Variants in PCDH15 observed in about 807,000 individuals in gnomAD.
PCDH15 encodes the protein protocadherin related 15.
A neutral mutation model predicts 178.5 loss-of-function variants in PCDH15; 129 were observed. The observed-to-expected ratio is 0.72, with a 90% CI of 0.63 to 0.84. PCDH15 has a LOEUF of 0.84. PCDH15 is among the 40% of genes least tolerant of loss of function. The pLI is 0.00. For synonymous variants in PCDH15, 800 were observed against 732.0 expected (o/e 1.09, Z -1.50); for missense variants, 2,230 against 2,099.9 (o/e 1.06, Z -1.21).
At chr10:55,224,573 G>A (rs1311224132) in intron 1 of PCDH15, among the ~76,000 whole-genome samples, 1 of 152,142 alleles carries the variant, frequency 6.6e-6, no homozygotes, top group East Asian at 1.9e-4. Context: ...TCCAACAGCA[G>A]ATAGATGGTA....
chr10:55,101,393 T>TA (rs58895122), intron 2 of PCDH15, among the ~76,000 whole-genome samples: 250 of 129,394 alleles, frequency 1.9e-3, no homozygotes, highest in South Asian at 0.014. Flanking sequence ...CATCTCAAAA[T>TA]AAAAAAAAAA....
chr10:54,712,157 CT>C (rs2095433778), intron 1 of PCDH15, among the ~76,000 whole-genome samples: 1 of 151,684 alleles, frequency 6.6e-6, no homozygotes, highest in South Asian at 2.1e-4. Context: ...ATTATCAATT[CT>C]TTTCCTTTAC....
intron 3 of PCDH15, among the ~76,000 whole-genome samples, chr10:54,859,488 A>T (rs904866610): frequency 1.3e-5 from 2 of 152,008 alleles, no homozygotes; most frequent in African/African-American, 4.8e-5. Flanking sequence ...GTTAAAATTC[A>T]TCTCATTTTG....
At chr10:55,316,418 G>T (rs1843723108) in intron 1 of PCDH15, among the ~76,000 whole-genome samples, 1 of 152,064 alleles carries the variant, frequency 6.6e-6, no homozygotes, top group Admixed American at 6.6e-5. Flanking sequence ...TTCTAGAATT[G>T]CCAGATGTTT....
chr10:54,134,748 G>T (rs146504416), intron 14 of PCDH15, among the ~76,000 whole-genome samples: 1 of 145,328 alleles, frequency 6.9e-6, no homozygotes. Context: ...GCAAGACTCC[G>T]TCTCAAAAAA....
chr10:54,775,902 A>AT (rs1303405573), intron 1 of PCDH15, among the ~76,000 whole-genome samples: 3 of 152,172 alleles, frequency 2.0e-5, no homozygotes, highest in Middle Eastern at 6.8e-3. Context: ...CAACAAACAC[A>AT]TAAAAAAAAC....
At chr10:54,022,764 T>C (rs2092963440) in intron 19 of PCDH15, 128 bp downstream of exon 19, 2 of 918,542 alleles carry the variant, frequency 2.2e-6, no homozygotes, top group Non-Finnish European at 3.5e-6. Context: ...AAAAATTTAT[T>C]CATTGTTTAT....
rs1000943721 is a variant in PCDH15 at position 54,998,588 on chromosome 10, G to A, written c.-79-101088C>T. 2.0e-5 allele frequency among the ~76,000 whole-genome samples: 3 copies of A among 152,198 alleles called. No individual in the cohort carries two copies. The South Asian group carries it at 6.2e-4, about 32-fold the overall frequency. The stretch of plus-strand genomic sequence containing the variant: ...ATTTGACTAATTAACATTGTTCATA[G>A]TTAAAGCTCTTAGTGTTTATGAAGG... On this transcript the variant is annotated intron_variant, in intron 2 of 5. Transcript: ENST00000458638.
rs372579355 is a variant in PCDH15, at chr10:54,651,083, G to A, written c.91+13089C>T. Among the ~76,000 whole-genome samples, 25 of 152,204 alleles carry A rather than the reference G, an allele frequency of 1.6e-4. No individual in the cohort carries two copies. In the East Asian group the frequency reaches 3.9e-3, roughly 24 times the overall value. On this transcript the variant is annotated intron_variant, in intron 2 of 37. Coordinates refer to ENST00000644397, the MANE Select transcript of PCDH15 (RefSeq NM_001384140.1). ...AAGGAGGGAGAAAGAGAGAGAGAATGAGTATTGTTGTAAACTGGAGTTCCA... is the reference window on the plus strand; with the variant it reads ...AAGGAGGGAGAAAGAGAGAGAGAATAAGTATTGTTGTAAACTGGAGTTCCA...
intron 2 of PCDH15, among the ~76,000 whole-genome samples, chr10:55,394,905 C>T (rs963163279): frequency 6.6e-6 from 1 of 152,026 alleles, no homozygotes; most frequent in East Asian, 1.9e-4. Flanking sequence ...TTTAGGTTCG[C>T]ACTCAACCAT....
At chr10:54,910,449 T>G (rs2131834007) in intron 2 of PCDH15, among the ~76,000 whole-genome samples, 1 of 152,214 alleles carries the variant, frequency 6.6e-6, no homozygotes, top group East Asian at 1.9e-4. Flanking sequence ...TAAAAAGAGA[T>G]ATTTTCTTAG....
chr10:54,564,129 C>T (rs974340954), intron 2 of PCDH15, among the ~76,000 whole-genome samples: 10 of 118,900 alleles, frequency 8.4e-5, no homozygotes, highest in Non-Finnish European at 2.0e-4. Flanking sequence ...CCTTGTTTTT[C>T]CCCCCCACAT....
chr10:55,332,050 A>T (rs1273418938), intron 2 of PCDH15, among the ~76,000 whole-genome samples: 1 of 152,166 alleles, frequency 6.6e-6, no homozygotes, highest in African/African-American at 2.4e-5. Flanking sequence ...GACATAAAAG[A>T]GTAAATAGAA....
chr10:55,286,775 T>C (rs952546810), intron 1 of PCDH15, among the ~76,000 whole-genome samples: 9 of 152,016 alleles, frequency 5.9e-5, no homozygotes, highest in African/African-American at 2.2e-4. Flanking sequence ...AAGTCAGGCT[T>C]CTTCCATTTC....
chr10:54,249,596 T>G (rs2132066059), intron 8 of PCDH15, among the ~76,000 whole-genome samples: 1 of 152,332 alleles, frequency 6.6e-6, no homozygotes, highest in East Asian at 1.9e-4. Flanking sequence ...GCCTTAAACA[T>G]ATTTTCAGTT....
chr10:55,014,741 A>C (rs1840129984), intron 2 of PCDH15, among the ~76,000 whole-genome samples: 2 of 152,186 alleles, frequency 1.3e-5, no homozygotes, highest in African/African-American at 4.8e-5. Flanking sequence ...CAGATACCTT[A>C]CCAGAGACAC....
intron 21 of PCDH15, among the ~76,000 whole-genome samples, chr10:53,964,641 T>C (rs572676840): frequency 2.3e-4 from 35 of 152,202 alleles, no homozygotes; most frequent in Admixed American, 3.9e-4. Flanking sequence ...GAACATTGAA[T>C]AAACCTTGAA....
intron 2 of PCDH15, among the ~76,000 whole-genome samples, chr10:54,955,668 A>C (rs1838467852): frequency 6.6e-6 from 1 of 151,372 alleles, no homozygotes; most frequent in African/African-American, 2.4e-5. Context: ...TTTTCAGTAA[A>C]TAATCAAAAA....
At chr10:54,569,753 G>C (rs1228818718) in intron 2 of PCDH15, among the ~76,000 whole-genome samples, 1 of 152,098 alleles carries the variant, frequency 6.6e-6, no homozygotes, top group Non-Finnish European at 1.5e-5. Flanking sequence ...AAATAAGGAA[G>C]CTTGAAAAAG....
Sources: gnomAD v4.1 joint callset for allele counts (sites outside exome capture counted in the v4.1 genomes callset) on GRCh38, gnomAD v4.1.1 for gene constraint, MANE v1.5 for transcripts, NCBI Gene and HGNC (gene_info 2026-07-23, HGNC 2026-07-21) for gene names.